NAV1: variants seen among roughly 807,000 people sequenced by gnomAD.
The protein encoded by NAV1 is pore membrane and/or filament interacting like protein 3.
Under a neutral mutation model 175.2 loss-of-function variants are expected in NAV1, and 18 were observed. The observed-to-expected ratio is 0.10, with a 90% CI of 0.07 to 0.15. NAV1 has a LOEUF of 0.15. Ranked by LOEUF, NAV1 falls within the 10% of genes least tolerant of loss-of-function variation. The pLI is 1.00. For missense variants in NAV1, 1,731 were observed against 2,436.6 expected (o/e 0.71, Z 6.10); for synonymous variants, 897 against 978.7 (o/e 0.92, Z 1.56).
chr1:201,787,779 T>C lies in NAV1; in HGVS notation c.2996-689T>C. On this transcript the variant is annotated intron_variant, in intron 9 of 29. Transcript: ENST00000367296. This position sits in a 1 kb window ranked among gnomAD's most constrained non-coding sequence, Gnocchi z 4.3. ...GCAATGGGCAAAGGGGTAAGGCATC[T>C]GCAGGTTAACGGGATTCAGCTGAAC... The C allele has an allele frequency of 2.2e-6, 1 of 453,000 alleles. No individual in the cohort carries two copies. Among genetic ancestry groups the C allele is most frequent in the Non-Finnish European group, 4.4e-6 (1 of 225,416 alleles). The allele number at this position is 453,000 out of a possible 1,614,324, so 28.1% of individuals were successfully genotyped here.
At chr1:201,781,548 C>T (rs1439780246) in intron 5 of NAV1, among the ~76,000 whole-genome samples, 1 of 152,110 alleles carries the variant, frequency 6.6e-6, no homozygotes, top group Non-Finnish European at 1.5e-5. Context: ...GCCAAAATCC[C>T]AGTTAATATG....
At chr1:201,800,083 T>C (rs2102776364) in intron 15 of NAV1, among the ~76,000 whole-genome samples, 1 of 152,170 alleles carries the variant, frequency 6.6e-6, no homozygotes, top group South Asian at 2.1e-4. Flanking sequence ...CACTGCAGCC[T>C]CGATCCCTGG....
At chr1:201,767,997 A>G (rs1387913956) in intron 3 of NAV1, among the ~76,000 whole-genome samples, 1 of 152,160 alleles carries the variant, frequency 6.6e-6, no homozygotes, top group East Asian at 1.9e-4. Flanking sequence ...CTTTCATTTG[A>G]CTTGGATTTT....
At chr1:201,601,187 A>G (rs564257106) in intron 2 of NAV1, among the ~76,000 whole-genome samples, 1 of 152,346 alleles carries the variant, frequency 6.6e-6, no homozygotes, top group South Asian at 2.1e-4. Context: ...TTCAACAATC[A>G]TGTTGGAATC....
At chr1:201,705,014 T>C (rs1035556884) in intron 1 of NAV1, among the ~76,000 whole-genome samples, 1 of 152,230 alleles carries the variant, frequency 6.6e-6, no homozygotes, top group Non-Finnish European at 1.5e-5. Context: ...TGATGGGCTC[T>C]TGCTGTGTTG....
chr1:201,682,135 A>C (rs1670491437), intron 1 of NAV1, among the ~76,000 whole-genome samples: 1 of 151,260 alleles, frequency 6.6e-6, no homozygotes, highest in Middle Eastern at 3.2e-3. Flanking sequence ...AAAAAAAAAA[A>C]ATCAGCCAGG....
intron 1 of NAV1, among the ~76,000 whole-genome samples, chr1:201,554,222 C>T (rs1252636609): frequency 1.3e-5 from 2 of 152,194 alleles, no homozygotes; most frequent in Non-Finnish European, 2.9e-5. Context: ...ACAGGGGTGT[C>T]TGGCCCTGCA....
intron 1 of NAV1, among the ~76,000 whole-genome samples, chr1:201,652,976 T>G (rs1394740035): frequency 1.3e-5 from 2 of 152,208 alleles, no homozygotes; most frequent in African/African-American, 4.8e-5. Flanking sequence ...CAAAATCATC[T>G]AATATAAAGC....
chr1:201,572,986 C>T (rs1452635571), intron 1 of NAV1, among the ~76,000 whole-genome samples: 2 of 145,382 alleles, frequency 1.4e-5, no homozygotes, highest in Non-Finnish European at 3.0e-5. Context: ...GAAGCCTGAG[C>T]CCAGCAGCCC....
At chr1:201,794,215 G>C (rs775020539) in intron 14 of NAV1, 1 of 631,164 alleles carries the variant, frequency 1.6e-6, no homozygotes, top group Admixed American at 2.1e-5. Context: ...GCACTGGCGC[G>C]ATCTTGGCTA....
intron 1 of NAV1, among the ~76,000 whole-genome samples, chr1:201,571,228 G>A (rs1245614162): frequency 1.3e-5 from 2 of 152,220 alleles, no homozygotes; most frequent in African/African-American, 4.8e-5. Context: ...TGACCTCTCT[G>A]AGTCTCATTT....
At position 201,783,860 on chromosome 1, in the gene NAV1, G is replaced by C; in HGVS notation, c.2804+8G>C. ...AGCTGGGCAACTGGACAGGTAGGTA[G>C]AAAAGACAGCAGAACCTCGGCCTGT... On this transcript the variant is annotated splice_region_variant and intron_variant, in intron 7 of 29. Coordinates refer to ENST00000367296, the Ensembl canonical transcript of NAV1. 1 of 1,597,186 alleles carries C rather than the reference G, an allele frequency of 6.3e-7. No homozygotes were observed. Among genetic ancestry groups the C allele is most frequent in the Non-Finnish European group, 8.5e-7 (1 of 1,169,708 alleles).
At chr1:201,579,197 AG>A (rs1666777180) in intron 1 of NAV1, among the ~76,000 whole-genome samples, 1 of 152,036 alleles carries the variant, frequency 6.6e-6, no homozygotes, top group South Asian at 2.1e-4. Flanking sequence ...TGGAGAAAGC[AG>A]GCTTTTGTTG....
chr1:201,797,576 A>C (rs1411444185), intron 15 of NAV1: 1 of 152,208 alleles, frequency 6.6e-6, no homozygotes, highest in Non-Finnish European at 1.5e-5. Context: ...ATTGCATTGA[A>C]TCTGTATATC....
intron 2 of NAV1, among the ~76,000 whole-genome samples, chr1:201,606,229 C>A (rs755461471): frequency 6.6e-6 from 1 of 152,144 alleles, no homozygotes; most frequent in African/African-American, 2.4e-5. Context: ...GGCCAGGGAT[C>A]GACCAGGACC....
At chr1:201,721,398 C>T (rs1672379423) in intron 3 of NAV1, among the ~76,000 whole-genome samples, 1 of 152,314 alleles carries the variant, frequency 6.6e-6, no homozygotes, top group South Asian at 2.1e-4. Context: ...TTAATGTAAA[C>T]AGTCACTCCT....
intron 1 of NAV1, among the ~76,000 whole-genome samples, chr1:201,628,153 A>G (rs1668387023): frequency 6.6e-6 from 1 of 151,488 alleles, no homozygotes; most frequent in South Asian, 2.1e-4. Flanking sequence ...AAAAAAAAAA[A>G]AAAGAGAGAC....
rs184830607 is a variant in NAV1 at position 201,722,832 on chromosome 1, G to A, written c.1226+4077G>A. 3.6e-3 allele frequency among the ~76,000 whole-genome samples: 543 copies of A among 152,288 alleles called. 1 individual carries two copies. Among genetic ancestry groups the A allele is most frequent in the Non-Finnish European group, 5.7e-3 (390 of 68,036 alleles). On this transcript the variant is annotated intron_variant, in intron 3 of 29. Transcript: ENST00000367296. ...TTTATAGTAGCCATCCTGGCCAGGCGCGGTGGCTCACACCTGTAATCCCAG... is the reference window on the plus strand; with the variant it reads ...TTTATAGTAGCCATCCTGGCCAGGCACGGTGGCTCACACCTGTAATCCCAG...
At chr1:201,596,810 GT>G (rs757671509) in intron 2 of NAV1, among the ~76,000 whole-genome samples, 2 of 145,834 alleles carry the variant, frequency 1.4e-5, no homozygotes, top group Non-Finnish European at 3.1e-5. Context: ...TAGTTTGTTT[GT>G]TTTTTGTTTG....
Sources: gnomAD v4.1 joint callset for allele counts (sites outside exome capture counted in the v4.1 genomes callset) on GRCh38, gnomAD v4.1.1 for gene constraint, Gnocchi (gnomAD v3.1) non-coding constraint, MANE v1.5 for transcripts, NCBI Gene and HGNC (gene_info 2026-07-23, HGNC 2026-07-21) for gene names.